Variants in KCND2 observed in about 807,000 individuals in gnomAD.
KCND2 encodes the protein A-type voltage-gated potassium channel KCND2.
A neutral mutation model predicts 54.4 loss-of-function variants in KCND2; 16 were observed. The observed-to-expected ratio is 0.29, with a 90% CI of 0.20 to 0.45. The LOEUF (loss-of-function observed/expected upper bound fraction) is 0.45. Ranked by LOEUF, KCND2 falls within the 20% of genes least tolerant of loss-of-function variation. KCND2 has a pLI of 1.00. For synonymous variants in KCND2, 317 were observed against 310.7 expected, an observed-to-expected ratio of 1.02 and a Z score of -0.21; for missense variants, 486 against 824.2, an observed-to-expected ratio of 0.59 and a Z score of 5.02.
intron 1 of KCND2, among the ~76,000 whole-genome samples, chr7:120,342,610 A>G (rs930143852): frequency 6.6e-6 from 1 of 152,200 alleles, no homozygotes; most frequent in Non-Finnish European, 1.5e-5. Flanking sequence ...AAATCAGGAC[A>G]TCATTTGCTT....
At chr7:120,410,509 G>A (rs1053237104) in intron 1 of KCND2, among the ~76,000 whole-genome samples, 18 of 151,696 alleles carry the variant, frequency 1.2e-4, no homozygotes, top group Admixed American at 1.1e-3. Flanking sequence ...TCTAATCCAC[G>A]AATATGGTAT....
chr7:120,672,258 C>A (rs896324181), intron 1 of KCND2, among the ~76,000 whole-genome samples: 10 of 152,072 alleles, frequency 6.6e-5, no homozygotes, highest in African/African-American at 2.4e-4. Flanking sequence ...GAAAAGTTCA[C>A]TCCAATATAA....
chr7:120,726,596 A>G (rs1792736283), intron 1 of KCND2, among the ~76,000 whole-genome samples: 1 of 152,236 alleles, frequency 6.6e-6, no homozygotes, highest in African/African-American at 2.4e-5. Context: ...ATAGACGTAC[A>G]CACATAATCA....
intron 1 of KCND2, among the ~76,000 whole-genome samples, chr7:120,456,043 T>G (rs768150604): frequency 6.6e-6 from 1 of 152,166 alleles, no homozygotes; most frequent in Non-Finnish European, 1.5e-5. Flanking sequence ...TATTGTTGAT[T>G]ATTACTAAAA....
chr7:120,408,816 A>G (rs763111568), intron 1 of KCND2, among the ~76,000 whole-genome samples: 3 of 151,964 alleles, frequency 2.0e-5, no homozygotes, highest in South Asian at 2.1e-4. Flanking sequence ...TGTTTCTTCA[A>G]ATAATTCCAT....
chr7:120,682,150 T>C (rs1414543922), intron 1 of KCND2, among the ~76,000 whole-genome samples: 1 of 152,066 alleles, frequency 6.6e-6, no homozygotes, highest in Non-Finnish European at 1.5e-5. Flanking sequence ...TAAACTTCCC[T>C]CATTTTCTTT....
Position 120,701,867 on chromosome 7 carries a change from G to A in KCND2, c.1116-31036G>A, listed in dbSNP as rs945463823. Among the ~76,000 whole-genome samples the A allele has an allele frequency of 2.9e-4, 44 of 152,228 alleles. 1 individual carries two copies. The highest frequency in any genetic ancestry group is 9.9e-4 in the African/African-American group (41 of 41,554). On this transcript the variant is annotated intron_variant, in intron 1 of 5. Coordinates refer to ENST00000331113, the MANE Select transcript of KCND2 (RefSeq NM_012281.3). The stretch of plus-strand genomic sequence containing the variant: ...AACTCTCAAAACCCTGGAAGACAAC[G>A]TAGGCAATGCCATTCTGGACATAGA...
At chr7:120,595,451 CA>C (rs759040293) in intron 1 of KCND2, among the ~76,000 whole-genome samples, 5,201 of 43,652 alleles carry the variant, frequency 0.12, 125 homozygotes, top group Non-Finnish European at 0.18. Flanking sequence ...ACTGTGCCAC[CA>C]AAAAAAAAAT....
At chr7:120,526,803 A>G (rs1273559791) in intron 1 of KCND2, among the ~76,000 whole-genome samples, 3 of 152,166 alleles carry the variant, frequency 2.0e-5, no homozygotes, top group African/African-American at 7.2e-5. Flanking sequence ...ATTTTTCAAT[A>G]TAGAGAACTC....
intron 1 of KCND2, among the ~76,000 whole-genome samples, chr7:120,501,701 C>A (rs1481927719): frequency 1.3e-5 from 2 of 152,206 alleles, no homozygotes; most frequent in African/African-American, 4.8e-5. Flanking sequence ...CTTAGACACA[C>A]AAACGTAAGA....
At chr7:120,337,430 A>G (rs1326326650) in intron 1 of KCND2, among the ~76,000 whole-genome samples, 1 of 152,180 alleles carries the variant, frequency 6.6e-6, no homozygotes, top group Non-Finnish European at 1.5e-5. Flanking sequence ...CTGTCAGCTC[A>G]GAGAGTATAT....
intron 1 of KCND2, among the ~76,000 whole-genome samples, chr7:120,382,167 T>G (rs1800925270): frequency 6.6e-6 from 1 of 151,816 alleles, no homozygotes; most frequent in African/African-American, 2.4e-5. Flanking sequence ...TAAGGACAAG[T>G]TTTTAGAATC....
intron 1 of KCND2, among the ~76,000 whole-genome samples, chr7:120,646,928 A>G (rs1464606216): frequency 2.6e-5 from 4 of 152,206 alleles, no homozygotes; most frequent in Non-Finnish European, 5.9e-5. Context: ...CAACTCAAAG[A>G]GTCACTTGTT....
chr7:120,300,938 G>A (rs568859512), intron 1 of KCND2, among the ~76,000 whole-genome samples: 1 of 152,062 alleles, frequency 6.6e-6, no homozygotes, highest in Non-Finnish European at 1.5e-5. Flanking sequence ...CAATACAGTT[G>A]TAAAGTATGA....
chr7:120,698,733 T>A (rs1792362745), intron 1 of KCND2, among the ~76,000 whole-genome samples: 1 of 152,198 alleles, frequency 6.6e-6, no homozygotes, highest in African/African-American at 2.4e-5. Flanking sequence ...AGACCAGCTT[T>A]CCAGATCACA....
chr7:120,653,072 G>A (rs556297815), intron 1 of KCND2, among the ~76,000 whole-genome samples: 23 of 151,894 alleles, frequency 1.5e-4, no homozygotes, highest in Non-Finnish European at 2.6e-4. Flanking sequence ...TGTCAACCAG[G>A]CCTAGACTGG....
chr7:120,298,607 A>G (rs73429988), intron 1 of KCND2, among the ~76,000 whole-genome samples: 1,823 of 152,330 alleles, frequency 0.012, 39 homozygotes, highest in African/African-American at 0.042. Flanking sequence ...AAAGTTTTCT[A>G]TGATAAGAAC....
intron 1 of KCND2, among the ~76,000 whole-genome samples, chr7:120,549,189 A>G (rs1427945799): frequency 1.3e-5 from 2 of 152,288 alleles, no homozygotes; most frequent in Non-Finnish European, 2.9e-5. Context: ...AAATTTTGAA[A>G]GGAAGACACA....
At chr7:120,624,268 G>A (rs1018447015) in intron 1 of KCND2, among the ~76,000 whole-genome samples, 1 of 152,112 alleles carries the variant, frequency 6.6e-6, no homozygotes, top group African/African-American at 2.4e-5. Flanking sequence ...AGGAGTATCA[G>A]TATATTTCCC....
Sources: allele counts gnomAD v4.1 joint callset (sites outside exome capture counted in the v4.1 genomes callset), GRCh38; gene constraint gnomAD v4.1.1; transcripts MANE v1.5; gene names NCBI Gene and HGNC (gene_info 2026-07-23, HGNC 2026-07-21).